FNDC3B: variants seen among roughly 807,000 people sequenced by gnomAD.
FNDC3B encodes the protein fibronectin type III domain containing 3B, also known as fibronectin type III domain-containing protein 3B.
In FNDC3B, 12 loss-of-function variants were observed where a neutral mutation model predicts 151.5. The observed-to-expected ratio is 0.08, with a 90% CI of 0.05 to 0.13. FNDC3B has a LOEUF of 0.13. Among genes scored for constraint, FNDC3B ranks in the 10% least tolerant of loss-of-function variants. FNDC3B has a pLI of 1.00. For synonymous variants in FNDC3B, 528 were observed against 549.0 expected (o/e 0.96, Z 0.54); for missense variants, 1,214 against 1,505.3 (o/e 0.81, Z 3.20).
rs577453032 is a variant in FNDC3B at position 172,148,451 on chromosome 3, A to T, written c.187+14905A>T. The T allele has an allele frequency of 5.3e-5, 8 of 152,286 alleles. No individual in the cohort carries two copies. In the East Asian group the frequency reaches 1.5e-3, roughly 29 times the overall value. 9.4% of individuals were successfully genotyped at this position (152,286 alleles called of 1,614,324 possible). A position where few individuals can be genotyped will look rare whatever the true frequency, so the allele number is the denominator to read the frequency against. On this transcript the variant is annotated intron_variant, in intron 3 of 25. Transcript: ENST00000415807. ...TACAAAAATGGGAAAATTTTAAAGC[A>T]TGAAACTGGTGAGAAAGGAAGTGAC...
intron 3 of FNDC3B, among the ~76,000 whole-genome samples, chr3:172,183,993 ATTACT>A (rs1724050584): frequency 6.6e-6 from 1 of 152,214 alleles, no homozygotes; most frequent in Non-Finnish European, 1.5e-5. Context: ...GATCCCCAGA[ATTACT>A]TTAGGAGGTG....
chr3:172,247,752 C>T lies in FNDC3B; in HGVS notation c.484C>T (p.Pro162Ser), dbSNP rs1248835554. 6.2e-7 allele frequency: 1 copy of T among 1,614,030 alleles called. No individual in the cohort carries two copies. Among genetic ancestry groups the T allele is most frequent in the Non-Finnish European group, 8.5e-7 (1 of 1,180,014 alleles). ...PPQFFPQHHL[P>S]HTIYGEQEII... ...TCAGTTTTTTCCCCAGCATCATCTT[C>T]CCCACACAATATATGGTGAGCAAGG... Residue 162 changes from proline (P) to serine (S), a missense_variant, in exon 5 of 26, where the codon CCC becomes TCC. Around this residue, in one of 7 missense-constraint regions of FNDC3B, gnomAD observed 166 missense variants for 173.2 expected, o/e 0.96. Transcript: ENST00000415807.
intron 3 of FNDC3B, among the ~76,000 whole-genome samples, chr3:172,134,058 C>T (rs1177154682): frequency 6.6e-6 from 1 of 152,222 alleles, no homozygotes; most frequent in East Asian, 1.9e-4. Flanking sequence ...ACAGGCTACT[C>T]TTTGGCCCCC....
At chr3:172,195,336 A>G (rs1724767523) in intron 3 of FNDC3B, among the ~76,000 whole-genome samples, 1 of 152,204 alleles carries the variant, frequency 6.6e-6, no homozygotes, top group Non-Finnish European at 1.5e-5. Flanking sequence ...ATTTGATATC[A>G]ATTGCTCTTG....
At chr3:172,143,511 T>G (rs923908904) in intron 3 of FNDC3B, among the ~76,000 whole-genome samples, 9 of 152,360 alleles carry the variant, frequency 5.9e-5, no homozygotes, top group Non-Finnish European at 2.9e-5. Flanking sequence ...GGTTACTCGT[T>G]AATTTTATTA....
At chr3:172,321,311 ATGTGATTC>A (rs1732069055) in intron 11 of FNDC3B, among the ~76,000 whole-genome samples, 1 of 152,208 alleles carries the variant, frequency 6.6e-6, no homozygotes, top group South Asian at 2.1e-4. Flanking sequence ...TCAATCTAAA[ATGTGATTC>A]TGTAAGATGA....
At chr3:172,093,419 C>T (rs570946273) in intron 1 of FNDC3B, among the ~76,000 whole-genome samples, 115 of 152,054 alleles carry the variant, frequency 7.6e-4, no homozygotes, top group Non-Finnish European at 1.3e-3. Context: ...CCACCGCACC[C>T]GGCTAATTTT....
intron 1 of FNDC3B, among the ~76,000 whole-genome samples, chr3:172,082,097 A>C (rs1374080135): frequency 6.6e-6 from 1 of 152,226 alleles, no homozygotes; most frequent in Non-Finnish European, 1.5e-5. Context: ...TATTACATTT[A>C]TAAAAGTTCA....
At chr3:172,152,092 C>T (rs1722255788) in intron 3 of FNDC3B, among the ~76,000 whole-genome samples, 1 of 152,140 alleles carries the variant, frequency 6.6e-6, no homozygotes, top group African/African-American at 2.4e-5. Flanking sequence ...TCACAAATGA[C>T]TGGAAATAAA....
At chr3:172,378,570 T>C in intron 24 of FNDC3B, 134 bp downstream of exon 24, 1 of 842,876 alleles carries the variant, frequency 1.2e-6, no homozygotes, top group Non-Finnish European at 1.7e-6. Flanking sequence ...TAAAGAAGAT[T>C]GAGCAATGAT....
At chr3:172,099,804 T>A (rs1186015433) in intron 1 of FNDC3B, among the ~76,000 whole-genome samples, 1 of 152,208 alleles carries the variant, frequency 6.6e-6, no homozygotes, top group African/African-American at 2.4e-5. Context: ...TTAGACCCTG[T>A]CAGGTGAACT....
chr3:172,198,906 G>T (rs866052234), intron 3 of FNDC3B, among the ~76,000 whole-genome samples: 3 of 152,078 alleles, frequency 2.0e-5, no homozygotes, highest in Middle Eastern at 3.2e-3. Flanking sequence ...GCTCTCTGCA[G>T]CCTTGGACTC....
intron 1 of FNDC3B, among the ~76,000 whole-genome samples, chr3:172,052,629 A>C (rs1419547435): frequency 6.6e-6 from 1 of 152,200 alleles, no homozygotes; most frequent in Non-Finnish European, 1.5e-5. Context: ...CTCCTGGGAC[A>C]TTATAGGGCT....
At chr3:172,180,447 G>A (rs186099770) in intron 3 of FNDC3B, among the ~76,000 whole-genome samples, 7 of 152,332 alleles carry the variant, frequency 4.6e-5, no homozygotes, top group East Asian at 3.9e-4. Context: ...CAAGGCAGGG[G>A]TCATGCTGTG....
At chr3:172,353,127 T>C in intron 22 of FNDC3B, 44 bp downstream of exon 22, 1 of 1,580,300 alleles carries the variant, frequency 6.3e-7, no homozygotes, top group Non-Finnish European at 8.6e-7. Context: ...CATCAGCACT[T>C]GGGGATCTAA....
chr3:172,320,759 G>T (rs1732042757), intron 11 of FNDC3B, among the ~76,000 whole-genome samples: 1 of 152,174 alleles, frequency 6.6e-6, no homozygotes, highest in African/African-American at 2.4e-5. Context: ...TGAATTAATT[G>T]GGATGTGTGT....
chr3:172,165,760 G>A (rs62283837), intron 3 of FNDC3B, among the ~76,000 whole-genome samples: 7,963 of 152,176 alleles, frequency 0.052, 254 homozygotes, highest in African/African-American at 0.096. Context: ...AGAGAATAAT[G>A]TTTACAAGTA....
intron 22 of FNDC3B, among the ~76,000 whole-genome samples, chr3:172,354,533 C>T (rs1326168643): frequency 6.6e-6 from 1 of 151,218 alleles, no homozygotes; most frequent in East Asian, 1.9e-4. Context: ...ATACTTAAGA[C>T]CAACTGGTTT....
At chr3:172,142,215 C>A (rs1447779640) in intron 3 of FNDC3B, among the ~76,000 whole-genome samples, 1 of 150,974 alleles carries the variant, frequency 6.6e-6, no homozygotes, top group Non-Finnish European at 1.5e-5. Flanking sequence ...TGGGCATTGA[C>A]CCCCCCTTCA....
Sources: gnomAD v4.1 joint callset for allele counts (sites outside exome capture counted in the v4.1 genomes callset) on GRCh38, gnomAD v4.1.1 for gene constraint, gnomAD v4.1.1 regional missense constraint, MANE v1.5 for transcripts, NCBI Gene and HGNC (gene_info 2026-07-23, HGNC 2026-07-21) for gene names.